The following RC3H2 variants were observed in gnomAD, a reference collection of about 807,000 sequenced individuals.
RC3H2 encodes ring finger and CCCH-type domains 2.
Under a neutral mutation model 133.3 loss-of-function variants are expected in RC3H2, and 31 were observed. That is an observed-to-expected ratio of 0.23 (90% confidence interval 0.17 to 0.31). The LOEUF is 0.31. Ranked by LOEUF, RC3H2 falls within the 10% of genes least tolerant of loss-of-function variation. The pLI, the probability that RC3H2 is intolerant of heterozygous loss-of-function variation, is 1.00. For synonymous variants in RC3H2, 517 were observed against 502.2 expected (o/e 1.03, Z -0.40); for missense variants, 1,175 against 1,437.2 (o/e 0.82, Z 2.95).
At chr9:122,902,686 T>C (rs1302661863) in intron 1 of RC3H2, among the ~76,000 whole-genome samples, 4 of 152,012 alleles carry the variant, frequency 2.6e-5, no homozygotes, top group Non-Finnish European at 5.9e-5. Flanking sequence ...ACCCCATCTC[T>C]ACTAAAAATA....
chr9:122,868,895 GT>G (rs10709763), intron 9 of RC3H2, among the ~76,000 whole-genome samples: 71,007 of 99,456 alleles, frequency 0.71, 23,855 homozygotes, highest in Middle Eastern at 0.81. Context: ...GTGTGTATGT[GT>G]TTTTTTTTTT....
At chr9:122,888,622 A>T (rs1266035230) in intron 4 of RC3H2, among the ~76,000 whole-genome samples, 1 of 152,202 alleles carries the variant, frequency 6.6e-6, no homozygotes, top group Non-Finnish European at 1.5e-5. Flanking sequence ...TTACCAACGT[A>T]TCTGGAGGTC....
chr9:122,904,579 C>A (rs546408724), intron 1 of RC3H2, among the ~76,000 whole-genome samples: 1 of 152,222 alleles, frequency 6.6e-6, no homozygotes, highest in Non-Finnish European at 1.5e-5. Context: ...TTGCTCCTAG[C>A]CACAACCCCT....
chr9:122,877,793 A>C (rs1195552631), intron 8 of RC3H2, among the ~76,000 whole-genome samples: 1 of 152,240 alleles, frequency 6.6e-6, no homozygotes, highest in Non-Finnish European at 1.5e-5. Context: ...TTCCTTCTGA[A>C]GATTATTCGA....
At chr9:122,896,406 T>C (rs1832421215) in intron 2 of RC3H2, among the ~76,000 whole-genome samples, 1 of 152,224 alleles carries the variant, frequency 6.6e-6, no homozygotes, top group South Asian at 2.1e-4. Context: ...TACATTTCTT[T>C]TCATATCACC....
intron 5 of RC3H2, 142 bp downstream of exon 5, chr9:122,883,062 T>C (rs1831722626): frequency 5.8e-6 from 4 of 692,364 alleles, no homozygotes; most frequent in Non-Finnish European, 9.4e-6. Context: ...GTATCACAGA[T>C]GCAATCAATG....
chr9:122,898,356 A>G (rs1374324663), intron 1 of RC3H2, among the ~76,000 whole-genome samples: 2 of 152,244 alleles, frequency 1.3e-5, no homozygotes, highest in Non-Finnish European at 2.9e-5. Flanking sequence ...AGGAAGACAC[A>G]GAAGAATAAA....
At chr9:122,892,884 G>T in intron 3 of RC3H2, 25 bp downstream of exon 3, 1 of 1,579,222 alleles carries the variant, frequency 6.3e-7, no homozygotes, top group Non-Finnish European at 8.7e-7. Flanking sequence ...CTACTTATCA[G>T]TAAAAATGCA....
chr9:122,880,493 A>AT (rs1491322632), intron 6 of RC3H2, 101 bp downstream of exon 6: 1 of 920,872 alleles, frequency 1.1e-6, no homozygotes, highest in African/African-American at 1.7e-5. Context: ...ATTTAAAAAC[A>AT]TAGGAATCTC....
chr9:122,885,904 T>C (rs1234280489), intron 4 of RC3H2, among the ~76,000 whole-genome samples: 1 of 152,210 alleles, frequency 6.6e-6, no homozygotes, highest in African/African-American at 2.4e-5. Flanking sequence ...TTGTTTTGTT[T>C]TGAGACAAAG....
chr9:122,900,878 G>T (rs1002820098), intron 1 of RC3H2, among the ~76,000 whole-genome samples: 5 of 152,166 alleles, frequency 3.3e-5, no homozygotes, highest in African/African-American at 1.2e-4. Flanking sequence ...GCATAGGAGT[G>T]AGAAATGCTA....
At chr9:122,858,161 A>T (rs1292796788) in intron 12 of RC3H2, 68 bp from the exon 13 acceptor site, 1 of 1,435,282 alleles carries the variant, frequency 7.0e-7, no homozygotes, top group Non-Finnish European at 9.7e-7. Context: ...CTGTGTGAAA[A>T]TGATGTAAAC....
intron 2 of RC3H2, among the ~76,000 whole-genome samples, chr9:122,894,189 G>T (rs1490872693): frequency 6.6e-6 from 1 of 151,890 alleles, no homozygotes; most frequent in Non-Finnish European, 1.5e-5. Context: ...AACCTGGGAG[G>T]CAGAGCTTGC....
Position 122,883,385 on chromosome 9 carries a change from AAT to A in RC3H2, c.584-8_584-7del. 6.3e-7 allele frequency: 1 copy of A among 1,589,604 alleles called. No individual in the cohort carries two copies. Among genetic ancestry groups the A allele is most frequent in the South Asian group, 1.2e-5 (1 of 86,382 alleles). ...CAAGGCCTCTTCTTGCATAGCTAAA[AAT>A]ATTAAAGGAACATGAGTTCATGACA... On this transcript the variant is annotated splice_region_variant and splice_polypyrimidine_tract_variant and intron_variant, in intron 4 of 20. Coordinates refer to ENST00000357244, the MANE Select transcript of RC3H2 (RefSeq NM_001100588.3).
At chr9:122,890,232 C>T in intron 4 of RC3H2, 80 bp downstream of exon 4, 1 of 996,990 alleles carries the variant, frequency 1.0e-6, no homozygotes, top group Non-Finnish European at 1.6e-6. Context: ...GGTTGAGTCT[C>T]AGGATTCACC....
intron 9 of RC3H2, among the ~76,000 whole-genome samples, chr9:122,869,758 T>C (rs1049741333): frequency 7.2e-5 from 11 of 151,950 alleles, no homozygotes; most frequent in Admixed American, 2.0e-4. Context: ...TTAGTAGAGA[T>C]GGGGTTTCAT....
At chr9:122,894,202 T>C (rs1588111642) in intron 2 of RC3H2, among the ~76,000 whole-genome samples, 1 of 151,118 alleles carries the variant, frequency 6.6e-6, no homozygotes, top group African/African-American at 2.4e-5. Flanking sequence ...GAGCTTGCAG[T>C]GAGCCGAGAT....
intron 9 of RC3H2, among the ~76,000 whole-genome samples, chr9:122,869,338 T>C (rs566994751): frequency 6.6e-6 from 1 of 152,338 alleles, no homozygotes; most frequent in African/African-American, 2.4e-5. Flanking sequence ...TAATTAAATA[T>C]AAAGTGTTAG....
Position 122,857,991 on chromosome 9 carries a change from T to G in RC3H2, c.2386A>C (p.Thr796Pro), listed in dbSNP as rs200090982. ...GGTGACTGTGTTGCCACAGGAAGAG[T>G]TGAAGAGACAAGAGGTGCTTTCTGA... The part of the protein sequence containing the change: ...HTQKAPLVSS[T>P]LPVATQSPTP... The change falls in exon 13 of 21, where the codon ACT becomes CCT. Residue 796 changes from threonine to proline, a missense_variant. Physicochemically the swap from Thr to Pro is conservative, Grantham distance 38. This residue lies in a region of RC3H2 where 490 missense variants were observed against 492.8 expected (regional missense o/e 0.99). Transcript: ENST00000357244. 21 of 1,613,932 alleles carry G rather than the reference T, an allele frequency of 1.3e-5. No homozygotes were observed. Among genetic ancestry groups the G allele is most frequent in the Non-Finnish European group, 1.6e-5 (19 of 1,179,946 alleles).
Sources: allele counts gnomAD v4.1 joint callset (sites outside exome capture counted in the v4.1 genomes callset), GRCh38; gene constraint gnomAD v4.1.1; regional missense constraint gnomAD v4.1.1; transcripts MANE v1.5; gene names NCBI Gene and HGNC (gene_info 2026-07-23, HGNC 2026-07-21).